AUH: variants seen among roughly 807,000 people sequenced by gnomAD.
AUH encodes methylglutaconyl-CoA hydratase, mitochondrial.
Under a neutral mutation model 42.3 loss-of-function variants are expected in AUH, and 29 were observed. The ratio of observed to expected loss-of-function variants is 0.69; its 90% CI spans 0.51 to 0.93. The LOEUF is 0.93. AUH is among the 40% of genes least tolerant of loss of function. The probability of loss-of-function intolerance (pLI) is 0.00; values close to 1 mark genes in which losing one functional copy is unlikely to be tolerated. For missense variants in AUH, 452 were observed against 438.1 expected (o/e 1.03, Z -0.28); for synonymous variants, 174 against 166.4 (o/e 1.05, Z -0.35).
chr9:91,349,568 T>C (rs1266606279), intron 3 of AUH, among the ~76,000 whole-genome samples: 1 of 152,178 alleles, frequency 6.6e-6, no homozygotes, highest in South Asian at 2.1e-4. Context: ...AATTTTGTGA[T>C]TGGCAAATAT....
intron 4 of AUH, among the ~76,000 whole-genome samples, chr9:91,300,110 AC>A (rs139366900): frequency 0.11 from 17,372 of 151,748 alleles, 1,109 homozygotes; most frequent in African/African-American, 0.17. Context: ...CATCCTGGAC[AC>A]TCCCTCCTTG....
chr9:91,308,951 C>T (rs1004231419), intron 4 of AUH, among the ~76,000 whole-genome samples: 5 of 151,698 alleles, frequency 3.3e-5, no homozygotes, highest in Admixed American at 6.6e-5. Flanking sequence ...CCATCATGCC[C>T]GGCTAATTTT....
intron 6 of AUH, among the ~76,000 whole-genome samples, chr9:91,235,536 A>G (rs1452133122): frequency 6.6e-6 from 1 of 152,160 alleles, no homozygotes; most frequent in Admixed American, 6.5e-5. Flanking sequence ...GACACAGAGA[A>G]TAAGGTTTAC....
At chr9:91,257,607 G>A (rs149665629) in intron 6 of AUH, among the ~76,000 whole-genome samples, 216 of 152,296 alleles carry the variant, frequency 1.4e-3, no homozygotes, top group African/African-American at 5.0e-3. Context: ...ATATATGTAT[G>A]TGCAGGTCTA....
At chr9:91,354,774 T>G (rs910697633) in intron 3 of AUH, among the ~76,000 whole-genome samples, 34 of 152,166 alleles carry the variant, frequency 2.2e-4, no homozygotes, top group African/African-American at 8.2e-4. Context: ...ACTCTGTATC[T>G]TCCCAATAAG....
At chr9:91,320,475 C>T (rs970557312) in intron 4 of AUH, among the ~76,000 whole-genome samples, 9 of 152,184 alleles carry the variant, frequency 5.9e-5, no homozygotes, top group Admixed American at 3.9e-4. Context: ...ATAAGACAAA[C>T]GCTGAGCTGT....
intron 6 of AUH, among the ~76,000 whole-genome samples, chr9:91,243,001 G>A (rs1411595591): frequency 3.3e-5 from 5 of 152,122 alleles, no homozygotes; most frequent in East Asian, 3.9e-4. Flanking sequence ...TAACTACCAC[G>A]TATTGAGAAC....
chr9:91,244,548 T>C (rs1306213542), intron 6 of AUH, among the ~76,000 whole-genome samples: 2 of 152,218 alleles, frequency 1.3e-5, no homozygotes, highest in Admixed American at 6.5e-5. Flanking sequence ...GAAATTCATA[T>C]AAATGTTGAC....
chr9:91,268,000 G>A (rs1210377505), intron 6 of AUH, among the ~76,000 whole-genome samples: 1 of 152,008 alleles, frequency 6.6e-6, no homozygotes, highest in Admixed American at 6.6e-5. Context: ...TTCAGCTACG[G>A]GCTGCTCTGG....
chr9:91,360,520 AATCTC>A (rs1359904670), intron 1 of AUH: 1 of 152,236 alleles, frequency 6.6e-6, no homozygotes, highest in Admixed American at 6.5e-5. Context: ...TTACATTAAC[AATCTC>A]ATCTCATCTT....
At chr9:91,335,275 A>G (rs1830614433) in intron 3 of AUH, among the ~76,000 whole-genome samples, 1 of 152,070 alleles carries the variant, frequency 6.6e-6, no homozygotes, top group Non-Finnish European at 1.5e-5. Context: ...CTAGTTTTCT[A>G]TTTCTTAAGT....
At chr9:91,236,112 A>C (rs1828161502) in intron 6 of AUH, among the ~76,000 whole-genome samples, 2 of 152,232 alleles carry the variant, frequency 1.3e-5, no homozygotes, top group Admixed American at 1.3e-4. Flanking sequence ...CATGCATTTC[A>C]GAAAGTGGAA....
intron 6 of AUH, among the ~76,000 whole-genome samples, chr9:91,230,119 G>A (rs1325532296): frequency 2.0e-5 from 3 of 151,144 alleles, no homozygotes; most frequent in African/African-American, 7.3e-5. Flanking sequence ...GCTAGATTGG[G>A]GAAATTCTCC....
At chr9:91,308,073 C>T (rs1828370122) in intron 4 of AUH, among the ~76,000 whole-genome samples, 1 of 152,052 alleles carries the variant, frequency 6.6e-6, no homozygotes, top group African/African-American at 2.4e-5. Flanking sequence ...CAGAACAAAC[C>T]AGAGAAGCAC....
intron 4 of AUH, among the ~76,000 whole-genome samples, chr9:91,303,477 C>T (rs549563682): frequency 6.6e-6 from 1 of 152,084 alleles, no homozygotes; most frequent in African/African-American, 2.4e-5. Flanking sequence ...ACTACTGGTG[C>T]CCGCCACTAC....
intron 4 of AUH, among the ~76,000 whole-genome samples, chr9:91,307,298 T>G: frequency 6.6e-6 from 1 of 152,172 alleles, no homozygotes; most frequent in East Asian, 1.9e-4. Flanking sequence ...AATCATAAAG[T>G]CAACAAAAGA....
At chr9:91,357,390 T>A (rs1393662856) in intron 1 of AUH, 1 of 596,096 alleles carries the variant, frequency 1.7e-6, no homozygotes, top group African/African-American at 2.0e-5. Context: ...TGAATAAAAC[T>A]GTGTTACACT....
At chr9:91,235,194 G>C (rs1377325125) in intron 6 of AUH, among the ~76,000 whole-genome samples, 3 of 152,290 alleles carry the variant, frequency 2.0e-5, no homozygotes, top group South Asian at 2.1e-4. Flanking sequence ...AAGATTGGGG[G>C]AGAAGAGATG....
intron 6 of AUH, among the ~76,000 whole-genome samples, chr9:91,276,612 C>G (rs1297436835): frequency 6.6e-6 from 1 of 152,138 alleles, no homozygotes; most frequent in Non-Finnish European, 1.5e-5. Flanking sequence ...GTTACTGACT[C>G]ACTTTGCAGC....
Sources: allele counts gnomAD v4.1 joint callset (sites outside exome capture counted in the v4.1 genomes callset), GRCh38; gene constraint gnomAD v4.1.1; transcripts MANE v1.5; gene names NCBI Gene and HGNC (gene_info 2026-07-23, HGNC 2026-07-21).